The following VWA3B variants were observed in gnomAD, a reference collection of about 807,000 sequenced individuals.
The protein encoded by VWA3B is von Willebrand factor A domain containing 3B.
VWA3B carries 138 observed loss-of-function variants against 158.3 expected under a neutral mutation model. The observed-to-expected ratio is 0.87, with a 90% confidence interval of 0.76 to 1.00. VWA3B has a LOEUF of 1.00. VWA3B is among the 50% of genes least tolerant of loss of function. The pLI is 0.00. For missense variants in VWA3B, 1,555 were observed against 1,565.1 expected (o/e 0.99, Z 0.11); for synonymous variants, 596 against 587.3 (o/e 1.01, Z -0.21).
chr2:98,146,554 A>T (rs908411508), intron 7 of VWA3B, among the ~76,000 whole-genome samples: 2 of 152,132 alleles, frequency 1.3e-5, no homozygotes, highest in South Asian at 4.1e-4. Flanking sequence ...AGGTTCTAGC[A>T]TCCAGGTTGC....
At chr2:98,265,009 T>C (rs1396267433) in intron 21 of VWA3B, among the ~76,000 whole-genome samples, 2 of 118,218 alleles carry the variant, frequency 1.7e-5, no homozygotes, top group Non-Finnish European at 3.9e-5. Flanking sequence ...TAAGTTGATA[T>C]AACAACTTAT....
chr2:98,230,104 T>G lies in VWA3B; in HGVS notation c.2205T>G (p.Pro735=), dbSNP rs1685227070. 6.2e-7 allele frequency: 1 copy of G among 1,610,936 alleles called. No individual in the cohort carries two copies. The highest frequency in any genetic ancestry group is 2.2e-5 in the East Asian group (1 of 44,770). Residue 735 remains proline (P), a synonymous_variant, in exon 16 of 28, where the codon CCT becomes CCG. Coordinates refer to ENST00000477737, the MANE Select transcript of VWA3B (RefSeq NM_144992.5). The stretch of plus-strand genomic sequence containing the variant: ...CAACCCCAGAAAAGTGTGCAAAGCC[T>G]CAATCTGATGTCGATTCAACACAAA... ...MISTPEKCAK[P]QSDVDSTQTS...
rs182529723 is a variant in VWA3B, at chr2:98,230,281, C to T, written c.2308+74C>T. The stretch of plus-strand genomic sequence containing the variant: ...CAAGAAGATAGAATAAAACTAAACC[C>T]ACATAATATTTTTAAGAAGCACTAA... On this transcript the variant is annotated intron_variant, in intron 16 of 27. Transcript: ENST00000477737. 7 of 1,360,586 alleles carry T rather than the reference C, an allele frequency of 5.1e-6. No homozygotes were observed. The East Asian group carries it at 1.3e-4, about 25-fold the overall frequency. The allele number at this position is 1,360,586 out of a possible 1,614,324, so 84.3% of individuals were successfully genotyped here.
chr2:98,120,569 C>T (rs898821264), intron 4 of VWA3B, among the ~76,000 whole-genome samples: 14 of 152,250 alleles, frequency 9.2e-5, no homozygotes, highest in African/African-American at 3.1e-4. Context: ...GCCAGATTCT[C>T]TACCCAGGAA....
At position 98,115,688 on chromosome 2, in the gene VWA3B, G is replaced by A. The variant is rs560529783; in HGVS notation, c.233G>A (p.Arg78Gln). 8.1e-6 allele frequency: 13 copies of A among 1,613,586 alleles called. No individual in the cohort carries two copies. Among genetic ancestry groups the A allele is most frequent in the Admixed American group, 1.7e-5 (1 of 59,988 alleles). ...VASLGRPVAS[R>Q]YADGLFPQLY... ...TCTCTGGGGAGACCTGTGGCTTCTCGGTATGCTGATGGTCTGTTTCCACAG... is the reference window on the plus strand; with the variant it reads ...TCTCTGGGGAGACCTGTGGCTTCTCAGTATGCTGATGGTCTGTTTCCACAG... The change falls in exon 3 of 28, where the codon CGG becomes CAG. Residue 78 changes from arginine (R) to glutamine (Q), a missense_variant. By Grantham distance (43) the Arg-to-Gln change is conservative. Transcript: ENST00000477737.
At chr2:98,143,813 C>T (rs1444416276) in intron 7 of VWA3B, among the ~76,000 whole-genome samples, 1 of 149,286 alleles carries the variant, frequency 6.7e-6, no homozygotes, top group Non-Finnish European at 1.5e-5. Context: ...TGCAGTGGCA[C>T]CATTATAGCT....
chr2:98,287,860 A>G (rs1289432539), intron 22 of VWA3B, among the ~76,000 whole-genome samples: 1 of 152,046 alleles, frequency 6.6e-6, no homozygotes, highest in Non-Finnish European at 1.5e-5. Flanking sequence ...GATACATTCT[A>G]TTGTTTTGTC....
At chr2:98,303,421 GGTGTGTGTGT>G (rs58157632) in intron 25 of VWA3B, among the ~76,000 whole-genome samples, 12 of 146,540 alleles carry the variant, frequency 8.2e-5, no homozygotes, top group Admixed American at 2.0e-4. Flanking sequence ...GTTATGTGAA[GGTGTGTGTGT>G]GTGTGTGTGT....
intron 7 of VWA3B, among the ~76,000 whole-genome samples, chr2:98,159,094 A>C (rs1358321656): frequency 6.6e-6 from 1 of 152,216 alleles, no homozygotes; most frequent in African/African-American, 2.4e-5. Context: ...TCTCCTTGAC[A>C]TCAAAACTTC....
At chr2:98,232,203 T>G (rs900599641) in intron 16 of VWA3B, among the ~76,000 whole-genome samples, 1 of 152,206 alleles carries the variant, frequency 6.6e-6, no homozygotes, top group African/African-American at 2.4e-5. Flanking sequence ...TTGGTCGAGT[T>G]TTGGCACTTT....
chr2:98,154,721 G>A (rs1164685916), intron 7 of VWA3B, among the ~76,000 whole-genome samples: 5 of 152,170 alleles, frequency 3.3e-5, no homozygotes, highest in Non-Finnish European at 5.9e-5. Context: ...CCTAACACAC[G>A]GGGCAGAGAG....
At position 98,212,024 on chromosome 2, in the gene VWA3B, A is replaced by G; in HGVS notation, c.1832A>G (p.Asp611Gly). The change falls in exon 13 of 28, where the codon GAT becomes GGT. Residue 611 changes from aspartate to glycine, a missense_variant. By Grantham distance (94) the Asp-to-Gly change is moderately conservative (BLOSUM62 -1). Coordinates refer to ENST00000477737, the MANE Select transcript of VWA3B (RefSeq NM_144992.5). ...TACCTTCTGACCGATGGGAGACCTG[A>G]TCAGGTACTTACCAGAGCTGGGAAC... ...AIYLLTDGRP[D>G]QPPETVIDQV... The G allele has an allele frequency of 6.2e-7, 1 of 1,613,920 alleles. No homozygotes were observed. Among genetic ancestry groups the G allele is most frequent in the Non-Finnish European group, 8.5e-7 (1 of 1,179,824 alleles).
Position 98,236,447 on chromosome 2 carries a change from C to T in VWA3B, c.2486C>T (p.Thr829Met), listed in dbSNP as rs375038927. The T allele has an allele frequency of 3.2e-5, 51 of 1,613,986 alleles. No homozygotes were observed. The highest frequency in any genetic ancestry group is 3.7e-5 in the Non-Finnish European group (44 of 1,180,032). Residue 829 changes from threonine to methionine, a missense_variant, in exon 18 of 28, where the codon ACG becomes ATG. Transcript: ENST00000477737. ...GATGACAAATCGTCAGAAAAGGTGA[C>T]GCGAGAAGGAAGCCAGGTTTATGAC... is the stretch of plus-strand genomic sequence containing the variant. ...WLDDKSSEKV[T>M]REGSQVYDHD...
At chr2:98,093,993 G>C (rs1039127097) in intron 2 of VWA3B, among the ~76,000 whole-genome samples, 13 of 152,110 alleles carry the variant, frequency 8.5e-5, no homozygotes, top group Admixed American at 7.9e-4. Context: ...TGGCTGAATA[G>C]TATTTAATTG....
At chr2:98,276,379 C>A (rs184954907) in intron 22 of VWA3B, among the ~76,000 whole-genome samples, 1 of 152,218 alleles carries the variant, frequency 6.6e-6, no homozygotes, top group Non-Finnish European at 1.5e-5. Context: ...GGGTGAAAAA[C>A]GCATCAGAGA....
the VWA3B span, among the ~76,000 whole-genome samples, chr2:98,318,659 A>T: frequency 1.3e-5 from 2 of 152,222 alleles, no homozygotes; most frequent in Non-Finnish European, 2.9e-5. Flanking sequence ...AATAATCTGT[A>T]TAACCAATCC....
At chr2:98,156,347 C>T (rs1289822065) in intron 7 of VWA3B, among the ~76,000 whole-genome samples, 1 of 152,216 alleles carries the variant, frequency 6.6e-6, no homozygotes, top group Admixed American at 6.5e-5. Context: ...CCTCCTAGAA[C>T]TTGCTCATTC....
At chr2:98,207,476 A>G (rs1463318628) in intron 12 of VWA3B, 13 of 503,854 alleles carry the variant, frequency 2.6e-5, no homozygotes, top group Non-Finnish European at 4.7e-5. Context: ...TTGGGTATGG[A>G]TTAACTTTCT....
At chr2:98,291,525 A>T (rs1290408209) in intron 23 of VWA3B, 1 of 152,240 alleles carries the variant, frequency 6.6e-6, no homozygotes, top group Non-Finnish European at 1.5e-5. Context: ...GGCTATGCAT[A>T]AAGGGTCATA....
Sources: allele counts gnomAD v4.1 joint callset (sites outside exome capture counted in the v4.1 genomes callset), GRCh38; gene constraint gnomAD v4.1.1; transcripts MANE v1.5; gene names NCBI Gene and HGNC (gene_info 2026-07-23, HGNC 2026-07-21).